IFIH1: variants seen among roughly 807,000 people sequenced by gnomAD.
IFIH1 encodes interferon-induced helicase C domain-containing protein 1.
IFIH1 carries 125 observed loss-of-function variants against 107.4 expected under a neutral mutation model. The ratio of observed to expected loss-of-function variants is 1.16; its 90% CI spans 1.01 to 1.35. IFIH1 has a LOEUF of 1.35. Ranked by LOEUF, IFIH1 falls within the 40% of genes most tolerant of loss-of-function variation. The pLI is 0.00. For missense variants in IFIH1, 1,333 were observed against 1,213.7 expected, an observed-to-expected ratio of 1.10 and a Z score of -1.46; for synonymous variants, 458 against 413.2, an observed-to-expected ratio of 1.11 and a Z score of -1.31.
intron 1 of IFIH1, among the ~76,000 whole-genome samples, chr2:162,313,759 T>A (rs1005377532): frequency 6.6e-6 from 1 of 152,214 alleles, no homozygotes; most frequent in African/African-American, 2.4e-5. Context: ...CCACAAAAAG[T>A]TAATGTCTTA....
At chr2:162,314,449 T>C (rs1051097968) in intron 1 of IFIH1, among the ~76,000 whole-genome samples, 1 of 122,984 alleles carries the variant, frequency 8.1e-6, no homozygotes, top group African/African-American at 3.9e-5. Flanking sequence ...TCTTTCTTTC[T>C]TTCTTTCTTT....
Position 162,318,155 on chromosome 2 carries a change from G to C in IFIH1, c.153C>G (p.Ala51=), listed in dbSNP as rs780097928. The C allele has an allele frequency of 6.2e-7, 1 of 1,614,202 alleles. No homozygotes were observed. ...CAACTGCCTGCATGTTCCCGGAGGT[G>C]GCGACTGTCCTCTGAATCTGCTCCT... The part of the protein sequence containing the change: ...EVKEQIQRTV[A]TSGNMQAVEL... The change falls in exon 1 of 16, where the codon GCC becomes GCG. Residue 51 remains alanine (A), a synonymous_variant. Transcript: ENST00000649979.
In IFIH1 at chr2:162,282,595, T is replaced by A. The variant is rs767226768; in HGVS notation, c.1096-19A>T. 1.3e-6 allele frequency: 2 copies of A among 1,553,002 alleles called. No homozygotes were observed. The highest frequency in any genetic ancestry group is 1.8e-6 in the Non-Finnish European group (2 of 1,136,950). On this transcript the variant is annotated intron_variant, in intron 5 of 15. Coordinates refer to ENST00000649979, the MANE Select transcript of IFIH1 (RefSeq NM_022168.4). The stretch of plus-strand genomic sequence containing the variant: ...GCAGTACCTTAAAAAAATGTGAAGA[T>A]TTTTTAAAAGAGAGAAAGTTAGTCG...
chr2:162,274,695 A>T (rs1355645841), intron 11 of IFIH1, among the ~76,000 whole-genome samples: 2 of 152,214 alleles, frequency 1.3e-5, no homozygotes, highest in Admixed American at 1.3e-4. Flanking sequence ...ATGACCTCTC[A>T]TCCTTACATG....
chr2:162,288,956 C>CACACACACACACAG (rs779518601), intron 4 of IFIH1, among the ~76,000 whole-genome samples: 1 of 149,982 alleles, frequency 6.7e-6, no homozygotes, highest in Non-Finnish European at 1.5e-5. Context: ...CACACACACA[C>CACACACACACACAG]AGACACCCTA....
intron 3 of IFIH1, among the ~76,000 whole-genome samples, chr2:162,304,499 A>T (rs2105224763): frequency 6.6e-6 from 1 of 152,282 alleles, no homozygotes; most frequent in East Asian, 1.9e-4. Flanking sequence ...CAAAAAAAGA[A>T]AAAGAGAAAA....
At chr2:162,285,117 G>A (rs1340461521) in intron 5 of IFIH1, among the ~76,000 whole-genome samples, 2 of 151,970 alleles carry the variant, frequency 1.3e-5, no homozygotes, top group African/African-American at 4.8e-5. Context: ...GCCTTTTCTT[G>A]AGATGTGACA....
chr2:162,297,482 AAAT>A (rs769671715), intron 3 of IFIH1, among the ~76,000 whole-genome samples: 29 of 152,268 alleles, frequency 1.9e-4, no homozygotes, highest in Non-Finnish European at 3.7e-4. Flanking sequence ...CTGTTTTAAA[AAAT>A]ATATAGAGAG....
chr2:162,267,180 A>ATC lies in IFIH1; in HGVS notation c.*19_*20insGA. 2 of 1,517,870 alleles carry ATC rather than the reference A, an allele frequency of 1.3e-6. No individual in the cohort carries two copies. The highest frequency in any genetic ancestry group is 1.8e-6 in the Non-Finnish European group (2 of 1,122,756). The allele number at this position is 1,517,870 out of a possible 1,614,324, so 94.0% of individuals were successfully genotyped here. ...TAAATGTTTAACTGATAGTATTTTAAAAGAATCTTCAATCAAGTGCTAATC... is the reference window on the plus strand; with the variant it reads ...TAAATGTTTAACTGATAGTATTTTAATCAAGAATCTTCAATCAAGTGCTAATC... On this transcript the variant is annotated 3_prime_UTR_variant, in exon 16 of 16. Coordinates refer to ENST00000649979, the MANE Select transcript of IFIH1 (RefSeq NM_022168.4).
intron 2 of IFIH1, 197 bp from the exon 3 acceptor site, chr2:162,307,052 T>C (rs1213135689): frequency 2.2e-6 from 1 of 461,988 alleles, no homozygotes; most frequent in Non-Finnish European, 3.8e-6. Flanking sequence ...TAAATAGCTG[T>C]TATTGTTATT....
chr2:162,302,164 T>C (rs1194423944), intron 3 of IFIH1, among the ~76,000 whole-genome samples: 1 of 152,132 alleles, frequency 6.6e-6, no homozygotes, highest in Non-Finnish European at 1.5e-5. Flanking sequence ...TGGGCCACTG[T>C]TACTGATGGT....
At chr2:162,317,817 C>T in intron 1 of IFIH1, 38 bp downstream of exon 1, 1 of 1,500,842 alleles carries the variant, frequency 6.7e-7, no homozygotes, top group East Asian at 2.3e-5. Context: ...TTTGCAAAAT[C>T]TGCCTAAAAG....
chr2:162,307,473 A>G (rs1473938262), intron 2 of IFIH1, among the ~76,000 whole-genome samples: 3 of 152,200 alleles, frequency 2.0e-5, no homozygotes, highest in Non-Finnish European at 4.4e-5. Flanking sequence ...GGGGATTTTT[A>G]AAACATTTAA....
chr2:162,269,147 CT>C (rs1399433137), intron 13 of IFIH1, among the ~76,000 whole-genome samples: 1 of 152,178 alleles, frequency 6.6e-6, no homozygotes, highest in Non-Finnish European at 1.5e-5. Context: ...TAATTTTATT[CT>C]GGGTGGAAAT....
intron 12 of IFIH1, among the ~76,000 whole-genome samples, chr2:162,272,784 C>A (rs1691070047): frequency 6.6e-6 from 1 of 152,128 alleles, no homozygotes; most frequent in Non-Finnish European, 1.5e-5. Context: ...CTGACCTTGA[C>A]ACTAGGGCTG....
chr2:162,318,414 G>A lies in IFIH1; in HGVS notation c.-107C>T, dbSNP rs2105239021. The stretch of plus-strand genomic sequence containing the variant: ...TGTCCGCTGCCCACTTAGAGAAGCA[G>A]GGTCTACCGCTCTGTGCCTGACAAT... On this transcript the variant is annotated 5_prime_UTR_variant, in exon 1 of 16. Transcript: ENST00000649979. The A allele has an allele frequency of 7.6e-6, 7 of 917,708 alleles. No individual in the cohort carries two copies. In the South Asian group the frequency reaches 1.0e-4, roughly 14 times the overall value. 56.8% of individuals were successfully genotyped at this position (917,708 alleles called of 1,614,324 possible). A position where few individuals can be genotyped will look rare whatever the true frequency, so the allele number is the denominator to read the frequency against.
At chr2:162,275,747 T>C (rs1196176190) in intron 11 of IFIH1, among the ~76,000 whole-genome samples, 1 of 152,202 alleles carries the variant, frequency 6.6e-6, no homozygotes, top group African/African-American at 2.4e-5. Context: ...AAGAATATTT[T>C]ACTCTAACAA....
chr2:162,287,083 G>T (rs1682907986), intron 5 of IFIH1, among the ~76,000 whole-genome samples: 1 of 151,790 alleles, frequency 6.6e-6, no homozygotes, highest in Non-Finnish European at 1.5e-5. Context: ...ACCATTACCA[G>T]CAAAATAAAT....
At chr2:162,305,378 T>G (rs1386011916) in intron 3 of IFIH1, among the ~76,000 whole-genome samples, 1 of 152,144 alleles carries the variant, frequency 6.6e-6, no homozygotes, top group African/African-American at 2.4e-5. Context: ...AAGACAATCC[T>G]GGCCAACATG....
Sources: gnomAD v4.1 joint callset for allele counts (sites outside exome capture counted in the v4.1 genomes callset) on GRCh38, gnomAD v4.1.1 for gene constraint, MANE v1.5 for transcripts, NCBI Gene and HGNC (gene_info 2026-07-23, HGNC 2026-07-21) for gene names.